Variants in PLD5 observed in about 807,000 individuals in gnomAD.
The protein encoded by PLD5 is inactive phospholipase D5.
In PLD5, 36 loss-of-function variants were observed where a neutral mutation model predicts 61.1. That is an observed-to-expected ratio of 0.59 (90% CI 0.45 to 0.78). The LOEUF (loss-of-function observed/expected upper bound fraction) is 0.78, where lower values mean the gene tolerates loss of function less well. Ranked by LOEUF, PLD5 falls within the 30% of genes least tolerant of loss-of-function variation. PLD5 has a pLI of 0.00. For synonymous variants in PLD5, 243 were observed against 242.8 expected, an observed-to-expected ratio of 1.00 and a Z score of -0.01; for missense variants, 515 against 644.4, an observed-to-expected ratio of 0.80 and a Z score of 2.17.
chr1:242,474,600 A>G (rs1292268220), intron 1 of PLD5, among the ~76,000 whole-genome samples: 1 of 152,190 alleles, frequency 6.6e-6, no homozygotes, highest in Non-Finnish European at 1.5e-5. Flanking sequence ...CTGTCTTCCA[A>G]ATACAGAACT....
chr1:242,528,783 T>C (rs745737313), upstream of PLD5, among the ~76,000 whole-genome samples: 4 of 152,200 alleles, frequency 2.6e-5, no homozygotes, highest in Admixed American at 6.5e-5. Flanking sequence ...GCCAGGTTCA[T>C]TGACTCTCAA....
chr1:242,382,128 C>CAAAAAAAAAAAAAAAAAAAAAAAA (rs34582650), intron 1 of PLD5, among the ~76,000 whole-genome samples: 20 of 125,586 alleles, frequency 1.6e-4, no homozygotes, highest in Admixed American at 3.4e-4. Flanking sequence ...ACTTTGACAG[C>CAAAAAAAAAAAAAAAAAAAAAAAA]AAAAAAAAAA....
intron 4 of PLD5, among the ~76,000 whole-genome samples, chr1:242,228,253 T>A (rs1011592696): frequency 1.3e-5 from 2 of 152,320 alleles, no homozygotes; most frequent in Middle Eastern, 3.4e-3. Context: ...ATCTTCCATA[T>A]ATCTAGCAGT....
intron 3 of PLD5, among the ~76,000 whole-genome samples, chr1:242,274,720 C>T (rs1274907308): frequency 1.3e-5 from 2 of 152,080 alleles, no homozygotes; most frequent in African/African-American, 4.8e-5. Flanking sequence ...CGCCACTGCA[C>T]TCCAGCCTGG....
At chr1:242,406,412 T>C (rs113896245) in intron 1 of PLD5, among the ~76,000 whole-genome samples, 6,118 of 152,266 alleles carry the variant, frequency 0.04, 421 homozygotes, top group African/African-American at 0.14. Flanking sequence ...CCAATATAAC[T>C]ATGCCCAAGA....
intron 4 of PLD5, among the ~76,000 whole-genome samples, chr1:242,230,569 C>G (rs1671234518): frequency 6.6e-6 from 1 of 152,050 alleles, no homozygotes; most frequent in Admixed American, 6.6e-5. Context: ...AATTTAATTA[C>G]CAACATTTTA....
intron 1 of PLD5, among the ~76,000 whole-genome samples, chr1:242,420,252 G>C (rs1665066084): frequency 6.6e-6 from 1 of 152,128 alleles, no homozygotes; most frequent in African/African-American, 2.4e-5. Context: ...ACTTGCCCAA[G>C]CTCTCACAAT....
intron 2 of PLD5, among the ~76,000 whole-genome samples, chr1:242,323,539 A>G (rs546959487): frequency 4.6e-4 from 70 of 152,304 alleles, no homozygotes; most frequent in African/African-American, 1.6e-3. Context: ...ACGCCTCTCT[A>G]ATATTTATCA....
intron 1 of PLD5, among the ~76,000 whole-genome samples, chr1:242,488,356 T>C (rs114085389): frequency 0.018 from 2,772 of 152,284 alleles, 90 homozygotes; most frequent in African/African-American, 0.063. Flanking sequence ...AATAAACTGG[T>C]ATAGGTATAC....
intron 1 of PLD5, 121 bp downstream of exon 1, chr1:242,523,967 C>T: frequency 1.8e-6 from 2 of 1,115,848 alleles, no homozygotes; most frequent in Non-Finnish European, 2.5e-6. Flanking sequence ...CCTAGGACGT[C>T]GGCGCCTGCC....
At position 242,090,204 on chromosome 1, in the gene PLD5, A is replaced by C. The variant is rs1659711352; in HGVS notation, c.1355-94T>G. ...TTCAGAGTGGATTCTATTAAAAATC[A>C]TCAACATCCAGGAATAACAACGGAG... is the stretch of plus-strand genomic sequence containing the variant. On this transcript the variant is annotated intron_variant, in intron 9 of 9. Transcript: ENST00000536534. The C allele has an allele frequency of 2.7e-6, 4 of 1,480,556 alleles. No individual in the cohort carries two copies. The South Asian group carries it at 5.2e-5, about 19-fold the overall frequency. The allele number at this position is 1,480,556 out of a possible 1,614,324, so 91.7% of individuals were successfully genotyped here.
Position 242,358,319 on chromosome 1 carries a change from G to A in PLD5, c.190-10077C>T, listed in dbSNP as rs368690281. Among the ~76,000 whole-genome samples the A allele has an allele frequency of 3.8e-4, 57 of 151,914 alleles. No individual in the cohort carries two copies. The South Asian group carries it at 0.011, about 29-fold the overall frequency. On this transcript the variant is annotated intron_variant, in intron 1 of 9. Transcript: ENST00000536534. ...GATTTCTCAAATCTGTGTAATCTTT[G>A]TGTTCCTGCATTGCTGTTTATGCAT...
At chr1:242,292,989 C>A (rs907190641) in intron 2 of PLD5, among the ~76,000 whole-genome samples, 4 of 152,088 alleles carry the variant, frequency 2.6e-5, no homozygotes, top group African/African-American at 9.7e-5. Context: ...TCAAAGGGGT[C>A]CATGGCTAAA....
intron 7 of PLD5, among the ~76,000 whole-genome samples, chr1:242,112,339 G>A (rs868126361): frequency 5.0e-4 from 71 of 143,372 alleles, no homozygotes; most frequent in South Asian, 7.1e-4. Flanking sequence ...ATGTATATGT[G>A]TATATATATA....
chr1:242,282,794 A>T (rs1422567647), intron 3 of PLD5, among the ~76,000 whole-genome samples: 9 of 152,176 alleles, frequency 5.9e-5, no homozygotes, highest in Non-Finnish European at 1.5e-5. Flanking sequence ...ATAAATTAGC[A>T]ATCAAGATGT....
In PLD5 at chr1:242,155,698, C is replaced by T. The variant is rs115668431; in HGVS notation, c.736-31033G>A. Among the ~76,000 whole-genome samples the T allele has an allele frequency of 1.9e-3, 286 of 152,250 alleles. 1 individual carries two copies. Among genetic ancestry groups the T allele is most frequent in the African/African-American group, 6.5e-3 (269 of 41,534 alleles). On this transcript the variant is annotated intron_variant, in intron 5 of 9. Transcript: ENST00000536534. ...TTAATCCTGAGTCCTAATTTGATTGCAGTGTTGTCTGAGAGACTGTTTATT... is the reference window on the plus strand; with the variant it reads ...TTAATCCTGAGTCCTAATTTGATTGTAGTGTTGTCTGAGAGACTGTTTATT...
In PLD5 at chr1:242,089,720, G is replaced by T; in HGVS notation, c.*134C>A. The T allele has an allele frequency of 8.7e-7, 1 of 1,152,942 alleles. No homozygotes were observed. Among genetic ancestry groups the T allele is most frequent in the Non-Finnish European group, 1.2e-6 (1 of 803,822 alleles). 71.4% of individuals were successfully genotyped at this position (1,152,942 alleles called of 1,614,324 possible). ...AGATATTGTTAGATAGGTATTATGT[G>T]TTGTTCAGAGAATATTTTTTATAAG... is the stretch of plus-strand genomic sequence containing the variant. On this transcript the variant is annotated 3_prime_UTR_variant, in exon 10 of 10. Coordinates refer to ENST00000536534, the MANE Select transcript of PLD5 (RefSeq NM_001372062.1).
chr1:242,449,964 G>A (rs779404445), intron 1 of PLD5, among the ~76,000 whole-genome samples: 4 of 152,160 alleles, frequency 2.6e-5, no homozygotes, highest in Non-Finnish European at 4.4e-5. Flanking sequence ...CTGAACAGGT[G>A]GAAAGAAAAG....
chr1:242,291,738 T>C (rs1574677164), intron 2 of PLD5, among the ~76,000 whole-genome samples: 1 of 151,396 alleles, frequency 6.6e-6, no homozygotes, highest in South Asian at 2.1e-4. Context: ...CCCTGGGAGG[T>C]GGAGCTTGCA....
Sources: allele counts gnomAD v4.1 joint callset (sites outside exome capture counted in the v4.1 genomes callset), GRCh38; gene constraint gnomAD v4.1.1; transcripts MANE v1.5; gene names NCBI Gene and HGNC (gene_info 2026-07-23, HGNC 2026-07-21).